GABRG3: variants seen among roughly 807,000 people sequenced by gnomAD.
GABRG3 encodes gamma-aminobutyric acid receptor subunit gamma-3.
In GABRG3, 25 loss-of-function variants were observed where a neutral mutation model predicts 48.8. The observed-to-expected ratio is 0.51, with a 90% CI of 0.37 to 0.72. The LOEUF is 0.72. GABRG3 is among the 30% of genes least tolerant of loss of function. The probability of loss-of-function intolerance (pLI) is 0.00; values close to 1 mark genes in which losing one functional copy is unlikely to be tolerated. For missense variants in GABRG3, 394 were observed against 577.9 expected, an observed-to-expected ratio of 0.68 and a Z score of 3.26; for synonymous variants, 227 against 217.6, an observed-to-expected ratio of 1.04 and a Z score of -0.38.
At chr15:27,369,172 TCCAG>T (rs1057459388) in intron 5 of GABRG3, among the ~76,000 whole-genome samples, 1 of 151,994 alleles carries the variant, frequency 6.6e-6, no homozygotes, top group Non-Finnish European at 1.5e-5. Flanking sequence ...AGTCACTTTA[TCCAG>T]CATCAGTAGC....
In GABRG3 at chr15:27,179,620, A is replaced by G. The variant is rs1887859960; in HGVS notation, c.271-147189A>G. ...TTCAGAATTCACTCATTTCCAGACT[A>G]CAAAGATGCACAGAACCCTCGAGTC... On this transcript the variant is annotated intron_variant, in intron 3 of 9. Coordinates refer to ENST00000615808, the MANE Select transcript of GABRG3 (RefSeq NM_033223.5). The surrounding 1 kb of genome is among the most constrained non-coding windows in gnomAD (Gnocchi z 4.0). Among the ~76,000 whole-genome samples the G allele has an allele frequency of 6.6e-6, 1 of 152,200 alleles. No individual in the cohort carries two copies. The highest frequency in any genetic ancestry group is 1.5e-5 in the Non-Finnish European group (1 of 68,030).
intron 2 of GABRG3, among the ~76,000 whole-genome samples, chr15:27,004,597 G>C (rs1895546284): frequency 6.6e-6 from 1 of 152,188 alleles, no homozygotes; most frequent in South Asian, 2.1e-4. Flanking sequence ...CAAGGCAGGC[G>C]GCTGGGAGGT....
chr15:27,181,360 C>T (rs907673910), intron 3 of GABRG3, among the ~76,000 whole-genome samples: 5 of 152,154 alleles, frequency 3.3e-5, no homozygotes, highest in Admixed American at 3.3e-4. Context: ...TTGGTAGAGG[C>T]TCAACCAAGA....
At chr15:27,365,306 C>CACAG (rs1384655080) in intron 5 of GABRG3, 1 of 2,910 alleles carries the variant, frequency 3.4e-4, no homozygotes, top group African/African-American at 1.1e-3. Flanking sequence ...CAGACACAGA[C>CACAG]ACACACACAC....
chr15:27,041,514 TA>T (rs67768433), intron 3 of GABRG3, among the ~76,000 whole-genome samples: 31,493 of 152,134 alleles, frequency 0.21, 3,442 homozygotes, highest in Middle Eastern at 0.33. Flanking sequence ...GCTGCAGACA[TA>T]ATTTCTACCA....
chr15:27,475,651 T>C (rs1476940809), intron 5 of GABRG3, among the ~76,000 whole-genome samples: 2 of 152,006 alleles, frequency 1.3e-5, no homozygotes, highest in Non-Finnish European at 1.5e-5. Flanking sequence ...ATGGTGATAG[T>C]GATGATGTTG....
At position 27,004,148 on chromosome 15, in the gene GABRG3, G is replaced by A. The variant is rs536396669; in HGVS notation, c.203-22606G>A. On this transcript the variant is annotated intron_variant, in intron 2 of 9. Transcript: ENST00000615808. The stretch of plus-strand genomic sequence containing the variant: ...GGGCTGACCCCCCCACCTCCCTCCC[G>A]GACGGGGTGGCTGCCGGGCGGAGAG... Among the ~76,000 whole-genome samples the A allele has an allele frequency of 6.6e-5, 10 of 150,566 alleles. No individual in the cohort carries two copies. In the East Asian group the frequency reaches 8.1e-4, roughly 12 times the overall value.
chr15:27,346,141 GAA>G (rs1232917116), intron 5 of GABRG3, among the ~76,000 whole-genome samples: 14 of 150,782 alleles, frequency 9.3e-5, no homozygotes, highest in Admixed American at 8.6e-4. Context: ...AGAAAGAAAA[GAA>G]AGAAGGAAAA....
chr15:27,291,841 A>T (rs143418328), intron 3 of GABRG3, among the ~76,000 whole-genome samples: 6 of 152,314 alleles, frequency 3.9e-5, no homozygotes, highest in Non-Finnish European at 8.8e-5. Flanking sequence ...TTTTTCTTCT[A>T]TGTTCAATAA....
chr15:27,025,278 T>C (rs6606858), intron 2 of GABRG3, among the ~76,000 whole-genome samples: 1 of 152,050 alleles, frequency 6.6e-6, no homozygotes, highest in African/African-American at 2.4e-5. Flanking sequence ...CAACCAGAAA[T>C]CTCTCTCACT....
intron 3 of GABRG3, among the ~76,000 whole-genome samples, chr15:27,268,436 G>A (rs1438415712): frequency 6.6e-6 from 1 of 152,036 alleles, no homozygotes; most frequent in African/African-American, 2.4e-5. Context: ...GCTCAGTCTG[G>A]ATATAGATTT....
intron 3 of GABRG3, among the ~76,000 whole-genome samples, chr15:27,215,888 T>C (rs1053005536): frequency 6.6e-6 from 1 of 152,218 alleles, no homozygotes; most frequent in Non-Finnish European, 1.5e-5. Flanking sequence ...TATGTGCGTG[T>C]TGTTACCTAT....
chr15:27,446,551 C>A (rs903548329), intron 5 of GABRG3, among the ~76,000 whole-genome samples: 3 of 151,908 alleles, frequency 2.0e-5, no homozygotes, highest in African/African-American at 7.3e-5. Flanking sequence ...ATAAAAATTT[C>A]TAGCAGAAAA....
chr15:27,205,633 A>G (rs1566964739), intron 3 of GABRG3, among the ~76,000 whole-genome samples: 1 of 152,016 alleles, frequency 6.6e-6, no homozygotes, highest in East Asian at 1.9e-4. Flanking sequence ...TTTCCACAGA[A>G]TTGGTATAAA....
intron 3 of GABRG3, among the ~76,000 whole-genome samples, chr15:27,128,019 A>G (rs1224700559): frequency 6.6e-6 from 1 of 152,198 alleles, no homozygotes; most frequent in Non-Finnish European, 1.5e-5. Context: ...GGAAGGCGAT[A>G]AAATGGACAC....
chr15:26,979,196 CTTATTAG>C (rs1895006613), intron 2 of GABRG3, among the ~76,000 whole-genome samples: 1 of 152,272 alleles, frequency 6.6e-6, no homozygotes, highest in South Asian at 2.1e-4. Flanking sequence ...ACTTGCTGAA[CTTATTAG>C]TTATAGAAGT....
At chr15:27,135,777 C>T (rs969489307) in intron 3 of GABRG3, among the ~76,000 whole-genome samples, 6 of 151,984 alleles carry the variant, frequency 3.9e-5, no homozygotes, top group African/African-American at 4.8e-5. Context: ...TGGTGGTGTG[C>T]GCCTATAATC....
chr15:27,375,400 A>G (rs1234507583), intron 5 of GABRG3, among the ~76,000 whole-genome samples: 1 of 152,318 alleles, frequency 6.6e-6, no homozygotes, highest in Non-Finnish European at 1.5e-5. Flanking sequence ...CAATATGTCA[A>G]AGTGCCATAC....
At chr15:27,302,497 C>T (rs1406695067) in intron 3 of GABRG3, among the ~76,000 whole-genome samples, 15 of 151,908 alleles carry the variant, frequency 9.9e-5, no homozygotes, top group Admixed American at 7.2e-4. Flanking sequence ...GAAGCAAAAC[C>T]AGACAAAACT....
Sources: gnomAD v4.1 joint callset for allele counts (sites outside exome capture counted in the v4.1 genomes callset) on GRCh38, gnomAD v4.1.1 for gene constraint, Gnocchi (gnomAD v3.1) non-coding constraint, MANE v1.5 for transcripts, NCBI Gene and HGNC (gene_info 2026-07-23, HGNC 2026-07-21) for gene names.